Variants in KIF3C observed in about 807,000 individuals in gnomAD.
KIF3C encodes kinesin-like protein KIF3C.
In KIF3C, 12 loss-of-function variants were observed where a neutral mutation model predicts 67.7. The observed-to-expected ratio is 0.18, with a 90% CI of 0.11 to 0.29. KIF3C has a LOEUF of 0.29. KIF3C is among the 10% of genes least tolerant of loss of function. The pLI is 1.00. For missense variants in KIF3C, 789 were observed against 1,059.6 expected (o/e 0.74, Z 3.55); for synonymous variants, 393 against 426.2 (o/e 0.92, Z 0.96).
rs1664580957 is a variant in KIF3C at position 25,981,159 on chromosome 2, C to G, written c.759G>C (p.Gln253His). The change falls in exon 1 of 8, where the codon CAG (glutamine) becomes CAC (histidine). Residue 253 changes from glutamine (Q) to histidine (H), a missense_variant. By Grantham distance (24) the Gln-to-His change is conservative. Transcript: ENST00000264712. This position sits in a 1 kb window ranked among gnomAD's most constrained non-coding sequence, Gnocchi z 8.2. ...CCGCTGTGTTGGGGCCTGCCTTGTT[C>G]TGCCTCTCGCTGCCAGCCAGGTCCA... ...NLVDLAGSER[Q>H]NKAGPNTAGG... The G allele has an allele frequency of 6.2e-7, 1 of 1,614,120 alleles. No individual in the cohort carries two copies.
intron 1 of KIF3C, among the ~76,000 whole-genome samples, chr2:25,956,816 G>T (rs1431215026): frequency 6.6e-6 from 1 of 152,176 alleles, no homozygotes; most frequent in Non-Finnish European, 1.5e-5. Context: ...GGAAAGATAA[G>T]ATACAGTCAC....
At position 25,955,420 on chromosome 2, in the gene KIF3C, A is replaced by G. The variant is rs1489648635; in HGVS notation, c.1770+121T>C. The G allele has an allele frequency of 8.5e-7, 1 of 1,176,758 alleles. No homozygotes were observed. Among genetic ancestry groups the G allele is most frequent in the Non-Finnish European group, 1.2e-6 (1 of 841,648 alleles). 72.9% of individuals were successfully genotyped at this position (1,176,758 alleles called of 1,614,324 possible). A position where few individuals can be genotyped will look rare whatever the true frequency, so the allele number is the denominator to read the frequency against. ...TGTTGCTCACCCCCGAGGCCAAGCC[A>G]TGTCACTCAGGGGTTCAGCAGTTCC... On this transcript the variant is annotated intron_variant, in intron 3 of 7. Coordinates refer to ENST00000264712, the MANE Select transcript of KIF3C (RefSeq NM_002254.8). This position sits in a 1 kb window ranked among gnomAD's most constrained non-coding sequence, Gnocchi z 5.0.
At chr2:25,962,578 T>A (rs4665295) in intron 1 of KIF3C, among the ~76,000 whole-genome samples, 1 of 148,992 alleles carries the variant, frequency 6.7e-6, no homozygotes. Context: ...GGTTTCTCCA[T>A]GTTGGTCAGG....
chr2:25,929,886 G>T, intron 6 of KIF3C, 69 bp downstream of exon 6: 1 of 1,087,012 alleles, frequency 9.2e-7, no homozygotes, highest in Middle Eastern at 2.4e-4. Flanking sequence ...ACAGTGCTGG[G>T]ATTACAGGTG....
intron 1 of KIF3C, among the ~76,000 whole-genome samples, chr2:25,975,188 T>C (rs987261374): frequency 6.6e-6 from 1 of 152,020 alleles, no homozygotes; most frequent in African/African-American, 2.4e-5. Context: ...TAAGACAGGG[T>C]TCCTCTCTGT....
intron 5 of KIF3C, among the ~76,000 whole-genome samples, chr2:25,940,889 GT>G (rs1663267816): frequency 6.6e-6 from 1 of 151,908 alleles, no homozygotes. Context: ...CTGACCTCAG[GT>G]TATCTGCCCG....
intron 1 of KIF3C, among the ~76,000 whole-genome samples, chr2:25,962,691 A>T (rs527817246): frequency 6.5e-5 from 9 of 138,090 alleles, no homozygotes; most frequent in Non-Finnish European, 1.2e-4. Context: ...TTTCACCTCT[A>T]TGGACATAGT....
intron 1 of KIF3C, among the ~76,000 whole-genome samples, chr2:25,970,709 T>C (rs1444981662): frequency 6.7e-6 from 1 of 149,432 alleles, no homozygotes; most frequent in African/African-American, 2.5e-5. Flanking sequence ...ATCAGAGTGG[T>C]TGGCATTAAG....
Position 25,958,356 on chromosome 2 carries a change from G to A in KIF3C, c.1546-1912C>T, listed in dbSNP as rs748855901. 2.0e-5 allele frequency among the ~76,000 whole-genome samples: 3 copies of A among 152,118 alleles called. No individual in the cohort carries two copies. The highest frequency in any genetic ancestry group is 1.9e-4 in the East Asian group (1 of 5,190). On this transcript the variant is annotated intron_variant, in intron 1 of 7. Transcript: ENST00000264712. The surrounding 1 kb of genome is among the most constrained non-coding windows in gnomAD (Gnocchi z 4.5). The stretch of plus-strand genomic sequence containing the variant: ...AGCACTTTGGGAAGTTGAGGTGGGC[G>A]GATCATCTGAGGTCAGGAGTTCGAT...
intron 5 of KIF3C, among the ~76,000 whole-genome samples, chr2:25,943,864 T>TAA (rs1404218370): frequency 1.4e-5 from 2 of 141,478 alleles, no homozygotes; most frequent in Admixed American, 7.1e-5. Flanking sequence ...AAATTCTATC[T>TAA]AAAAAAAAAA....
Position 25,928,877 on chromosome 2 carries a change from A to T in KIF3C, c.*101T>A. The T allele has an allele frequency of 3.3e-6, 3 of 914,580 alleles. No homozygotes were observed. The highest frequency in any genetic ancestry group is 5.1e-6 in the Non-Finnish European group (3 of 582,572). 56.7% of individuals were successfully genotyped at this position (914,580 alleles called of 1,614,324 possible). ...CACCCCTGCACACACGCACACGCAC[A>T]TGCACGCACACGCACACGCACCAAG... On this transcript the variant is annotated 3_prime_UTR_variant, in exon 8 of 8. Coordinates refer to ENST00000264712, the MANE Select transcript of KIF3C (RefSeq NM_002254.8).
At chr2:25,966,339 T>C (rs1040078662) in intron 1 of KIF3C, among the ~76,000 whole-genome samples, 2 of 152,006 alleles carry the variant, frequency 1.3e-5, no homozygotes, top group Non-Finnish European at 2.9e-5. Flanking sequence ...CTCCTGACCT[T>C]AAGTGATCCA....
chr2:25,962,811 T>C (rs1171556665), intron 1 of KIF3C, among the ~76,000 whole-genome samples: 1 of 78,846 alleles, frequency 1.3e-5, no homozygotes, highest in Non-Finnish European at 2.2e-5. Flanking sequence ...TAATATATAA[T>C]ATATATAATA....
At chr2:25,952,922 T>C (rs952259738) in intron 4 of KIF3C, among the ~76,000 whole-genome samples, 2 of 152,064 alleles carry the variant, frequency 1.3e-5, no homozygotes, top group African/African-American at 4.8e-5. Flanking sequence ...TTTGAGGGGA[T>C]GGATACCCCA....
chr2:25,981,927 C>T lies in KIF3C; in HGVS notation c.-10G>A, dbSNP rs767797456. ...TGGTCTTACTGGCCATCTTGCTGCT[C>T]TGACCTTCCTGCCCCCGAGCCCCTC... On this transcript the variant is annotated 5_prime_UTR_variant, in exon 1 of 8. Transcript: ENST00000264712. This position sits in a 1 kb window ranked among gnomAD's most constrained non-coding sequence, Gnocchi z 8.2. 1.2e-5 allele frequency: 19 copies of T among 1,525,606 alleles called. No individual in the cohort carries two copies. The South Asian group carries it at 2.4e-4, about 19-fold the overall frequency. 94.5% of individuals were successfully genotyped at this position (1,525,606 alleles called of 1,614,324 possible). A position where few individuals can be genotyped will look rare whatever the true frequency, so the allele number is the denominator to read the frequency against.
intron 5 of KIF3C, among the ~76,000 whole-genome samples, chr2:25,935,355 G>T (rs1437654336): frequency 1.3e-5 from 2 of 152,202 alleles, no homozygotes; most frequent in East Asian, 3.9e-4. Context: ...TTACATGCAG[G>T]GGTATTTGCT....
In KIF3C at chr2:25,929,390, G is replaced by T; in HGVS notation, c.2203C>A (p.Arg735Ser). ...ATGAGCCTCTCCATGTGTAGCGCAC[G>T]AGGGTCTTGTTCTTGGTCGTGAGAG... is the stretch of plus-strand genomic sequence containing the variant. ...EFSHDQEQDP[R>S]ALHMERLMRL... Residue 735 changes from arginine to serine, a missense_variant, in exon 7 of 8, where the codon CGT becomes AGT. Arg to Ser is a moderately radical substitution (Grantham distance 110). Coordinates refer to ENST00000264712, the MANE Select transcript of KIF3C (RefSeq NM_002254.8). The T allele has an allele frequency of 6.2e-7, 1 of 1,614,104 alleles. No individual in the cohort carries two copies. The highest frequency in any genetic ancestry group is 8.5e-7 in the Non-Finnish European group (1 of 1,179,972).
At chr2:25,934,726 TGATAG>T (rs1663029942) in intron 5 of KIF3C, among the ~76,000 whole-genome samples, 1 of 152,180 alleles carries the variant, frequency 6.6e-6, no homozygotes, top group African/African-American at 2.4e-5. Context: ...GGTGAACTTA[TGATAG>T]GTCAACTACA....
intron 6 of KIF3C, among the ~76,000 whole-genome samples, chr2:25,929,732 C>T (rs1157868574): frequency 6.6e-6 from 1 of 152,092 alleles, no homozygotes; most frequent in Non-Finnish European, 1.5e-5. Context: ...TCTCCTGCCT[C>T]AGCCTCCCAA....
Sources: gnomAD v4.1 joint callset for allele counts (sites outside exome capture counted in the v4.1 genomes callset) on GRCh38, gnomAD v4.1.1 for gene constraint, Gnocchi (gnomAD v3.1) non-coding constraint, MANE v1.5 for transcripts, NCBI Gene and HGNC (gene_info 2026-07-23, HGNC 2026-07-21) for gene names.